Variants in CMTR1 observed in about 807,000 individuals in gnomAD.
CMTR1 encodes cap-specific mRNA (nucleoside-2'-O-)-methyltransferase 1.
CMTR1 carries 39 observed loss-of-function variants against 107.0 expected under a neutral mutation model. That is an observed-to-expected ratio of 0.36 (90% CI 0.28 to 0.48). The LOEUF is 0.48. Among genes scored for constraint, CMTR1 ranks in the 20% least tolerant of loss-of-function variants. The probability of loss-of-function intolerance (pLI) is 0.99; values close to 1 mark genes in which losing one functional copy is unlikely to be tolerated. For missense variants in CMTR1, 672 were observed against 1,064.9 expected, an observed-to-expected ratio of 0.63 and a Z score of 5.14; for synonymous variants, 366 against 379.5, an observed-to-expected ratio of 0.96 and a Z score of 0.41.
chr6:37,456,052 G>A (rs1166193677), intron 8 of CMTR1, among the ~76,000 whole-genome samples: 1 of 152,214 alleles, frequency 6.6e-6, no homozygotes, highest in Non-Finnish European at 1.5e-5. Flanking sequence ...ATCACAGAAC[G>A]AGGTCATATT....
chr6:37,440,439 C>G (rs1253711303), intron 2 of CMTR1, among the ~76,000 whole-genome samples: 1 of 152,148 alleles, frequency 6.6e-6, no homozygotes, highest in Non-Finnish European at 1.5e-5. Context: ...CAGGAATAAT[C>G]TAGGGAACTT....
the CMTR1 span, among the ~76,000 whole-genome samples, chr6:37,424,180 T>C: frequency 6.6e-6 from 1 of 152,138 alleles, no homozygotes; most frequent in Non-Finnish European, 1.5e-5. Context: ...GGGCTGCTTT[T>C]CATTAAAAGG....
At position 37,458,853 on chromosome 6, in the gene CMTR1, C is replaced by T; in HGVS notation, c.976+43C>T. On this transcript the variant is annotated intron_variant, in intron 9 of 23. Coordinates refer to ENST00000373451, the MANE Select transcript of CMTR1 (RefSeq NM_015050.3). This position sits in a 1 kb window ranked among gnomAD's most constrained non-coding sequence, Gnocchi z 4.7. ...GGTACTAGGAGGTATGAGGGACAGC[C>T]CCTCTATGGGGACTTCAGGTCAGAA... 1 of 1,578,386 alleles carries T rather than the reference C, an allele frequency of 6.3e-7. No homozygotes were observed. Among genetic ancestry groups the T allele is most frequent in the Non-Finnish European group, 8.7e-7 (1 of 1,150,828 alleles).
At chr6:37,473,341 AG>A in intron 16 of CMTR1, 128 bp from the exon 17 acceptor site, 4 of 939,654 alleles carry the variant, frequency 4.3e-6, no homozygotes, top group Non-Finnish European at 4.8e-6. Flanking sequence ...AAGGGGGTGC[AG>A]GGGAGCATAT....
At chr6:37,468,140 CTT>C (rs987540087) in intron 13 of CMTR1, among the ~76,000 whole-genome samples, 3 of 146,584 alleles carry the variant, frequency 2.0e-5, no homozygotes, top group African/African-American at 7.6e-5. Flanking sequence ...CCTTTTATCT[CTT>C]TGAGGTTTTT....
At chr6:37,436,535 A>C (rs1432240412) in intron 2 of CMTR1, among the ~76,000 whole-genome samples, 1 of 152,230 alleles carries the variant, frequency 6.6e-6, no homozygotes, top group Non-Finnish European at 1.5e-5. Context: ...TGGTGGGGCC[A>C]TGTTCCCTCA....
At chr6:37,461,008 C>T (rs556448494) in intron 10 of CMTR1, among the ~76,000 whole-genome samples, 4 of 152,244 alleles carry the variant, frequency 2.6e-5, no homozygotes, top group African/African-American at 9.6e-5. Context: ...CAAGAGGCAC[C>T]GTGGTCTTAG....
intron 13 of CMTR1, among the ~76,000 whole-genome samples, chr6:37,468,410 A>G (rs1048570785): frequency 1.9e-4 from 29 of 152,164 alleles, no homozygotes; most frequent in African/African-American, 7.0e-4. Flanking sequence ...ATATATATCT[A>G]ATTTTTTTAA....
chr6:37,475,683 GGTTGAGCAA>G, intron 19 of CMTR1: 2 of 550,176 alleles, frequency 3.6e-6, no homozygotes. Context: ...TTTATGTTAA[GGTTGAGCAA>G]GAGGGTGACC....
upstream of CMTR1, among the ~76,000 whole-genome samples, chr6:37,430,674 T>G (rs1205433403): frequency 6.6e-6 from 1 of 152,178 alleles, no homozygotes. Context: ...TTTTAGATTT[T>G]ATGCTTAGGT....
Position 37,433,622 on chromosome 6 carries a change from C to T in CMTR1, c.-7+245C>T, listed in dbSNP as rs191154945. 1.8e-3 allele frequency among the ~76,000 whole-genome samples: 281 copies of T among 152,314 alleles called. 1 individual carries two copies. Among genetic ancestry groups the T allele is most frequent in the African/African-American group, 6.4e-3 (265 of 41,576 alleles). On this transcript the variant is annotated intron_variant, in intron 1 of 23. Transcript: ENST00000373451. ...GTTATCTTCAAATGAAGGGACTGGC[C>T]GGGAGACATGGGAGCTTATCTCTTC...
chr6:37,429,506 T>C (rs1478724218), upstream of CMTR1, among the ~76,000 whole-genome samples: 1 of 152,226 alleles, frequency 6.6e-6, no homozygotes, highest in African/African-American at 2.4e-5. Context: ...CAGAGAGCTT[T>C]ACCTACCAAT....
intron 3 of CMTR1, 126 bp from the exon 4 acceptor site, chr6:37,446,165 T>C: frequency 1.9e-6 from 2 of 1,061,000 alleles, no homozygotes; most frequent in Non-Finnish European, 2.7e-6. Flanking sequence ...TTCATTAGGC[T>C]AAGACAAACT....
At chr6:37,424,307 A>G in the CMTR1 span, among the ~76,000 whole-genome samples, 2 of 148,546 alleles carry the variant, frequency 1.3e-5, no homozygotes, top group Non-Finnish European at 3.0e-5. Context: ...CAGTGGTGGG[A>G]TCTCAGCTCA....
chr6:37,463,108 C>A, intron 13 of CMTR1, 100 bp downstream of exon 13: 1 of 1,279,002 alleles, frequency 7.8e-7, no homozygotes, highest in Non-Finnish European at 1.1e-6. Flanking sequence ...CTTTGTCAAC[C>A]CTGACAAATT....
At position 37,475,344 on chromosome 6, in the gene CMTR1, T is replaced by C. The variant is rs780990678; in HGVS notation, c.1968T>C (p.Ser656=). The C allele has an allele frequency of 1.2e-6, 2 of 1,612,008 alleles. No homozygotes were observed. The highest frequency in any genetic ancestry group is 1.7e-6 in the Non-Finnish European group (2 of 1,178,976). ...AGGGGAAGGCCCAGAGGAAGATCAG[T>C]GCCATCCACATCCTCGATGTCCTTG... ...KGEGKAQRKI[S]AIHILDVLVL... The change falls in exon 19 of 24, where the codon AGT becomes AGC. Residue 656 remains serine, a synonymous_variant. Transcript: ENST00000373451.
intron 6 of CMTR1, among the ~76,000 whole-genome samples, chr6:37,452,285 G>A (rs902984040): frequency 1.4e-4 from 22 of 152,178 alleles, no homozygotes; most frequent in African/African-American, 4.6e-4. Flanking sequence ...TCTATAAAAT[G>A]AGGAGAAAAT....
At chr6:37,424,483 G>C in the CMTR1 span, among the ~76,000 whole-genome samples, 1 of 151,628 alleles carries the variant, frequency 6.6e-6, no homozygotes, top group South Asian at 2.1e-4. Flanking sequence ...TCCTGACCTC[G>C]TGATCCGCCC....
chr6:37,461,578 G>T lies in CMTR1; in HGVS notation c.1125G>T (p.Leu375=). ...GGFSVEGQEN[L]QEILSKQLLL... Reference sequence around the variant, plus strand: ...TCTCGGTGGAGGGGCAGGAGAACCTGCAGGAGATCCTCAGCAAGCAGCTGC... The same window carrying T: ...TCTCGGTGGAGGGGCAGGAGAACCTTCAGGAGATCCTCAGCAAGCAGCTGC... The change falls in exon 11 of 24, where the codon CTG becomes CTT. Residue 375 remains leucine (L), a synonymous_variant. Transcript: ENST00000373451. The T allele has an allele frequency of 1.2e-6, 2 of 1,609,296 alleles. No homozygotes were observed. The highest frequency in any genetic ancestry group is 1.7e-6 in the Non-Finnish European group (2 of 1,177,432).
Sources: allele counts gnomAD v4.1 joint callset (sites outside exome capture counted in the v4.1 genomes callset), GRCh38; gene constraint gnomAD v4.1.1; non-coding constraint Gnocchi (gnomAD v3.1); transcripts MANE v1.5; gene names NCBI Gene and HGNC (gene_info 2026-07-23, HGNC 2026-07-21).